NT5C3A: variants seen among roughly 807,000 people sequenced by gnomAD.
NT5C3A encodes 5'-nucleotidase, cytosolic IIIA.
In NT5C3A, 23 loss-of-function variants were observed where a neutral mutation model predicts 40.0. The observed-to-expected ratio is 0.58, with a 90% CI of 0.41 to 0.81. The LOEUF (loss-of-function observed/expected upper bound fraction) is 0.81, where lower values mean the gene tolerates loss of function less well. Among genes scored for constraint, NT5C3A ranks in the 40% least tolerant of loss-of-function variants. NT5C3A has a pLI of 0.00. For missense variants in NT5C3A, 328 were observed against 403.0 expected, an observed-to-expected ratio of 0.81 and a Z score of 1.59; for synonymous variants, 130 against 141.4, an observed-to-expected ratio of 0.92 and a Z score of 0.57.
chr7:33,060,716 A>AT (rs1288922974), intron 1 of NT5C3A, among the ~76,000 whole-genome samples: 4 of 151,946 alleles, frequency 2.6e-5, no homozygotes, highest in African/African-American at 9.7e-5. Context: ...GTTTGCAGAG[A>AT]TTTTTCTGAG....
At chr7:33,034,013 C>A (rs1011327168) in intron 1 of NT5C3A, among the ~76,000 whole-genome samples, 3 of 151,308 alleles carry the variant, frequency 2.0e-5, no homozygotes, top group Admixed American at 2.0e-4. Flanking sequence ...GCCTCAGCCT[C>A]CCGAGTAGCT....
intron 1 of NT5C3A, among the ~76,000 whole-genome samples, chr7:33,040,090 G>T (rs1480725169): frequency 1.3e-5 from 2 of 151,956 alleles, no homozygotes; most frequent in Non-Finnish European, 1.5e-5. Context: ...TTCTGTCCTT[G>T]AATTTGTCCT....
At chr7:33,037,925 T>C (rs6956397) in intron 1 of NT5C3A, among the ~76,000 whole-genome samples, 110,239 of 152,124 alleles carry the variant, frequency 0.72, 40,221 homozygotes, top group African/African-American at 0.79. Context: ...GCTTAGATGA[T>C]TATAGTCAAG....
intron 1 of NT5C3A, among the ~76,000 whole-genome samples, chr7:33,060,928 C>T (rs768184626): frequency 6.6e-6 from 1 of 152,160 alleles, no homozygotes; most frequent in Admixed American, 6.5e-5. Context: ...ATATTACAAT[C>T]TGAATTAATA....
chr7:33,018,845 A>C (rs1420428914), intron 6 of NT5C3A, among the ~76,000 whole-genome samples: 1 of 139,740 alleles, frequency 7.2e-6, no homozygotes, highest in Non-Finnish European at 1.5e-5. Context: ...AAAAAAAAAG[A>C]AAAAAAAAAG....
chr7:33,014,908 A>T (rs1323453073), intron 8 of NT5C3A, 77 bp from the exon 9 acceptor site: 1 of 1,254,786 alleles, frequency 8.0e-7, no homozygotes, highest in Non-Finnish European at 1.1e-6. Flanking sequence ...TCTCGTTGTT[A>T]GATCTCTTGG....
chr7:33,049,345 T>C (rs527364821), intron 1 of NT5C3A, among the ~76,000 whole-genome samples: 2 of 152,304 alleles, frequency 1.3e-5, no homozygotes, highest in African/African-American at 4.8e-5. Flanking sequence ...TTTAGTATCT[T>C]GTCCAAGGAT....
In NT5C3A at chr7:33,041,204, C is replaced by G. The variant is rs1185900201; in HGVS notation, c.139-14289G>C. ...ACTAACACTTAAAAACATTCCTTTC[C>G]ACCTGGTTTGTCAGTGGTTTGTCAG... On this transcript the variant is annotated intron_variant, in intron 1 of 8. Coordinates refer to ENST00000610140, the MANE Select transcript of NT5C3A (RefSeq NM_001002010.5). The G allele has an allele frequency of 7.6e-6, 7 of 923,342 alleles. No homozygotes were observed. In the Admixed American group the frequency reaches 1.9e-4, roughly 24 times the overall value. 57.2% of individuals were successfully genotyped at this position (923,342 alleles called of 1,614,324 possible). A position where few individuals can be genotyped will look rare whatever the true frequency, so the allele number is the denominator to read the frequency against.
intron 1 of NT5C3A, among the ~76,000 whole-genome samples, chr7:33,044,436 T>G (rs139456401): frequency 1.0e-3 from 154 of 152,310 alleles, no homozygotes; most frequent in African/African-American, 3.6e-3. Context: ...AGTACGAAGT[T>G]GTAAAGACAG....
chr7:33,041,642 T>C lies in NT5C3A; in HGVS notation c.139-14727A>G, dbSNP rs72555725. Reference sequence around the variant, plus strand: ...CTTATACTTTTAATAAGACCAGCCATAAAATCTGAAAATAAAAATTAATTT... The same window carrying C: ...CTTATACTTTTAATAAGACCAGCCACAAAATCTGAAAATAAAAATTAATTT... On this transcript the variant is annotated intron_variant, in intron 1 of 8. Coordinates refer to ENST00000610140, the MANE Select transcript of NT5C3A (RefSeq NM_001002010.5). 2.9e-3 allele frequency among the ~76,000 whole-genome samples: 434 copies of C among 152,190 alleles called. 1 individual carries two copies. The highest frequency in any genetic ancestry group is 9.9e-3 in the African/African-American group (412 of 41,520).
chr7:33,020,512 C>T (rs1785567075), intron 5 of NT5C3A, among the ~76,000 whole-genome samples: 1 of 152,116 alleles, frequency 6.6e-6, no homozygotes, highest in African/African-American at 2.4e-5. Context: ...AGTCTAGTTC[C>T]AGTTCTGCTG....
At chr7:33,044,644 C>T (rs879399033) in intron 1 of NT5C3A, among the ~76,000 whole-genome samples, 1 of 152,098 alleles carries the variant, frequency 6.6e-6, no homozygotes, top group Non-Finnish European at 1.5e-5. Flanking sequence ...TTTTTCCTCC[C>T]CTTTTAACGC....
At chr7:33,023,799 T>G (rs1785764568) in intron 3 of NT5C3A, 1 of 508,748 alleles carries the variant, frequency 2.0e-6, no homozygotes, top group African/African-American at 1.9e-5. Context: ...TAGACCATAT[T>G]TGGCAAGAAA....
In NT5C3A at chr7:33,014,479, G is replaced by A. The variant is rs1330247126; in HGVS notation, c.*251C>T. On this transcript the variant is annotated 3_prime_UTR_variant, in exon 9 of 9. Transcript: ENST00000610140. ...CTACAAAATTCACTTTGGAAAAGTAGGGAGTTATTTTTCTAATTTTAGCTT... is the reference window on the plus strand; with the variant it reads ...CTACAAAATTCACTTTGGAAAAGTAAGGAGTTATTTTTCTAATTTTAGCTT... 1 of 526,164 alleles carries A rather than the reference G, an allele frequency of 1.9e-6. No homozygotes were observed. Among genetic ancestry groups the A allele is most frequent in the Admixed American group, 2.3e-5 (1 of 43,494 alleles). The allele number at this position is 526,164 out of a possible 1,614,324, so 32.6% of individuals were successfully genotyped here. A position where few individuals can be genotyped will look rare whatever the true frequency, so the allele number is the denominator to read the frequency against.
chr7:33,027,088 G>C, intron 1 of NT5C3A, 173 bp from the exon 2 acceptor site: 1 of 535,272 alleles, frequency 1.9e-6, no homozygotes, highest in Non-Finnish European at 3.3e-6. Context: ...TACTTTTTTA[G>C]AGATGAGGTC....
At chr7:33,054,429 A>G (rs1457900360) in intron 1 of NT5C3A, among the ~76,000 whole-genome samples, 3 of 152,134 alleles carry the variant, frequency 2.0e-5, no homozygotes, top group East Asian at 3.9e-4. Flanking sequence ...TCCTTCAAAC[A>G]TCACCACAGC....
chr7:33,028,119 CA>C (rs1786048315), intron 1 of NT5C3A, among the ~76,000 whole-genome samples: 1 of 152,140 alleles, frequency 6.6e-6, no homozygotes. Flanking sequence ...ACACATTTTA[CA>C]ATAGATTTAT....
rs753944509 is a variant in NT5C3A, at chr7:33,019,744, GA to G, written c.441-21del. ...GTATACCTGGAGTTTATGACCAAAG[GA>G]AAAAAGACTATCAATTAAGACAAAC... On this transcript the variant is annotated intron_variant, in intron 5 of 8. Transcript: ENST00000610140. 6.9e-6 allele frequency: 9 copies of G among 1,307,106 alleles called. No homozygotes were observed. Among genetic ancestry groups the G allele is most frequent in the Admixed American group, 1.7e-5 (1 of 59,172 alleles). 81.0% of individuals were successfully genotyped at this position (1,307,106 alleles called of 1,614,324 possible).
intron 3 of NT5C3A, among the ~76,000 whole-genome samples, chr7:33,023,157 C>T (rs1484532633): frequency 6.6e-6 from 1 of 151,942 alleles, no homozygotes; most frequent in Non-Finnish European, 1.5e-5. Flanking sequence ...AGTGATTATT[C>T]CACCTCCACC....
Sources: gnomAD v4.1 joint callset for allele counts (sites outside exome capture counted in the v4.1 genomes callset) on GRCh38, gnomAD v4.1.1 for gene constraint, MANE v1.5 for transcripts, NCBI Gene and HGNC (gene_info 2026-07-23, HGNC 2026-07-21) for gene names.